BMP5: variants seen among roughly 807,000 people sequenced by gnomAD.
BMP5 encodes bone morphogenetic protein 5.
A neutral mutation model predicts 46.6 loss-of-function variants in BMP5; 23 were observed. That is an observed-to-expected ratio of 0.49 (90% CI 0.35 to 0.70). BMP5 has a LOEUF of 0.70. BMP5 is among the 30% of genes least tolerant of loss of function. The pLI, the probability that BMP5 is intolerant of heterozygous loss-of-function variation, is 0.00. For synonymous variants in BMP5, 204 were observed against 191.9 expected, an observed-to-expected ratio of 1.06 and a Z score of -0.52; for missense variants, 545 against 565.6, an observed-to-expected ratio of 0.96 and a Z score of 0.37.
At chr6:55,873,950 A>G (rs1431804731) in intron 1 of BMP5, among the ~76,000 whole-genome samples, 1 of 151,978 alleles carries the variant, frequency 6.6e-6, no homozygotes, top group Admixed American at 6.6e-5. Context: ...ATTTTTAAGT[A>G]GTATGTGAAT....
chr6:55,794,672 T>C (rs541981324), intron 2 of BMP5, among the ~76,000 whole-genome samples: 10 of 152,308 alleles, frequency 6.6e-5, no homozygotes, highest in African/African-American at 1.2e-4. Flanking sequence ...CTGCTTTTCA[T>C]TGGCCTTTAT....
At chr6:55,839,881 T>A (rs1446177697) in intron 1 of BMP5, among the ~76,000 whole-genome samples, 1 of 152,198 alleles carries the variant, frequency 6.6e-6, no homozygotes, top group African/African-American at 2.4e-5. Flanking sequence ...ATTTTTTGTC[T>A]GTATACTATT....
intron 2 of BMP5, among the ~76,000 whole-genome samples, chr6:55,802,893 C>T (rs114540195): frequency 9.9e-4 from 150 of 151,158 alleles, no homozygotes; most frequent in Non-Finnish European, 1.7e-3. Context: ...ATTGAAATTA[C>T]AATACTTCAA....
intron 4 of BMP5, among the ~76,000 whole-genome samples, chr6:55,760,751 T>C (rs1338505884): frequency 1.3e-5 from 2 of 152,012 alleles, no homozygotes; most frequent in Non-Finnish European, 2.9e-5. Context: ...CAATACCATT[T>C]ACCTGATGAA....
intron 2 of BMP5, among the ~76,000 whole-genome samples, chr6:55,796,589 C>A (rs559468977): frequency 6.6e-6 from 1 of 151,132 alleles, no homozygotes; most frequent in African/African-American, 2.4e-5. Flanking sequence ...CATGCTGGTG[C>A]GCTGCACCTA....
At chr6:55,760,891 A>G (rs1774758665) in intron 4 of BMP5, among the ~76,000 whole-genome samples, 1 of 144,104 alleles carries the variant, frequency 6.9e-6, no homozygotes, top group Admixed American at 6.9e-5. Flanking sequence ...TACTTAATAT[A>G]TTGAGAGAGA....
chr6:55,833,402 A>G (rs1309262606), intron 1 of BMP5, among the ~76,000 whole-genome samples: 2 of 152,206 alleles, frequency 1.3e-5, no homozygotes, highest in Non-Finnish European at 2.9e-5. Context: ...CCTATGCCAC[A>G]TTGGTTTTAA....
At chr6:55,864,617 A>T (rs1777597994) in intron 1 of BMP5, among the ~76,000 whole-genome samples, 1 of 152,194 alleles carries the variant, frequency 6.6e-6, no homozygotes, top group Non-Finnish European at 1.5e-5. Flanking sequence ...ATTGTGTTAC[A>T]TCAACACAAA....
intron 3 of BMP5, among the ~76,000 whole-genome samples, chr6:55,777,495 G>A (rs2127522625): frequency 6.6e-6 from 1 of 151,952 alleles, no homozygotes. Context: ...ACATAAAGAT[G>A]AAGCATTGAA....
intron 3 of BMP5, among the ~76,000 whole-genome samples, chr6:55,781,927 C>G (rs1044330346): frequency 6.6e-6 from 1 of 151,894 alleles, no homozygotes; most frequent in Non-Finnish European, 1.5e-5. Flanking sequence ...GTACATGAAC[C>G]TATCAAATGA....
At position 55,755,801 on chromosome 6, in the gene BMP5, T is replaced by C. The variant is rs535668154; in HGVS notation, c.1216-119A>G. On this transcript the variant is annotated intron_variant, in intron 6 of 6. Coordinates refer to ENST00000370830, the MANE Select transcript of BMP5 (RefSeq NM_021073.4). Reference sequence around the variant, plus strand: ...AGGCACACCATTAAGCTGATCTCCCTTCTCCCATTTATTCCATGACTGGGG... The same window carrying C: ...AGGCACACCATTAAGCTGATCTCCCCTCTCCCATTTATTCCATGACTGGGG... 21 of 982,290 alleles carry C rather than the reference T, an allele frequency of 2.1e-5. No homozygotes were observed. In the African/African-American group the frequency reaches 2.8e-4, roughly 13 times the overall value. 60.8% of individuals were successfully genotyped at this position (982,290 alleles called of 1,614,324 possible).
chr6:55,794,961 T>C (rs543413999), intron 2 of BMP5, among the ~76,000 whole-genome samples: 233 of 152,264 alleles, frequency 1.5e-3, no homozygotes, highest in Non-Finnish European at 2.3e-3. Context: ...GTAATACCAC[T>C]GGTTTAAGGA....
At chr6:55,772,285 T>C (rs144655585) in intron 4 of BMP5, among the ~76,000 whole-genome samples, 3 of 151,870 alleles carry the variant, frequency 2.0e-5, no homozygotes, top group Admixed American at 6.6e-5. Flanking sequence ...TTCTTGTGGT[T>C]AGGAAGAGAA....
At position 55,755,491 on chromosome 6, in the gene BMP5, C is replaced by A; in HGVS notation, c.*42G>T. 6.4e-7 allele frequency: 1 copy of A among 1,571,522 alleles called. No individual in the cohort carries two copies. Among genetic ancestry groups the A allele is most frequent in the Non-Finnish European group, 8.7e-7 (1 of 1,145,896 alleles). ...GTATGCTTTTTATTGCAGCCATAAA[C>A]CTTAATACAGATCTTTTTGTTATTA... On this transcript the variant is annotated 3_prime_UTR_variant, in exon 7 of 7. Transcript: ENST00000370830.
At position 55,813,144 on chromosome 6, in the gene BMP5, G is replaced by T. The variant is rs974107129; in HGVS notation, c.683+6511C>A. 3.3e-5 allele frequency among the ~76,000 whole-genome samples: 5 copies of T among 152,030 alleles called. No homozygotes were observed. The South Asian group carries it at 1.0e-3, about 31-fold the overall frequency. On this transcript the variant is annotated intron_variant, in intron 2 of 6. Transcript: ENST00000370830. ...TTTAAATCCTAGTGTTTTTTGTTTT[G>T]TTTTGTTTTGATTTTTTACTCTCTA...
intron 5 of BMP5, among the ~76,000 whole-genome samples, chr6:55,759,961 C>A (rs957281031): frequency 6.6e-6 from 1 of 151,674 alleles, no homozygotes; most frequent in Admixed American, 6.6e-5. Context: ...CCACATAGAG[C>A]CATTAAAAAA....
chr6:55,871,357 A>G (rs1449409127), intron 1 of BMP5, among the ~76,000 whole-genome samples: 1 of 151,950 alleles, frequency 6.6e-6, no homozygotes, highest in Non-Finnish European at 1.5e-5. Context: ...TAATACTATG[A>G]GACTGATAAA....
At chr6:55,782,025 G>GA (rs940633902) in intron 3 of BMP5, among the ~76,000 whole-genome samples, 4 of 149,428 alleles carry the variant, frequency 2.7e-5, no homozygotes, top group South Asian at 2.1e-4. Context: ...TAAAGAAAGT[G>GA]AAAAAAAAAG....
chr6:55,793,389 A>G (rs1310728872), intron 3 of BMP5, among the ~76,000 whole-genome samples: 1 of 152,142 alleles, frequency 6.6e-6, no homozygotes, highest in African/African-American at 2.4e-5. Flanking sequence ...ATATGCATTC[A>G]CTAATACTAT....
Sources: allele counts gnomAD v4.1 joint callset (sites outside exome capture counted in the v4.1 genomes callset), GRCh38; gene constraint gnomAD v4.1.1; transcripts MANE v1.5; gene names NCBI Gene and HGNC (gene_info 2026-07-23, HGNC 2026-07-21).